KPNA2: variants seen among roughly 807,000 people sequenced by gnomAD.
KPNA2 encodes importin subunit alpha-1.
In KPNA2, 20 loss-of-function variants were observed where a neutral mutation model predicts 53.7. The observed-to-expected ratio is 0.37, with a 90% CI of 0.26 to 0.54. The LOEUF is 0.54. Ranked by LOEUF, KPNA2 falls within the 20% of genes least tolerant of loss-of-function variation. The probability of loss-of-function intolerance (pLI) is 0.83; values close to 1 mark genes in which losing one functional copy is unlikely to be tolerated. For missense variants in KPNA2, 515 were observed against 640.3 expected (o/e 0.80, Z 2.11); for synonymous variants, 238 against 227.5 (o/e 1.05, Z -0.42).
chr17:68,043,814 A>G, intron 7 of KPNA2, 24 bp from the exon 8 acceptor site: 1 of 1,421,570 alleles, frequency 7.0e-7, no homozygotes, highest in Non-Finnish European at 9.9e-7. Context: ...AATAACCAGC[A>G]TCAACATATT....
intron 3 of KPNA2, among the ~76,000 whole-genome samples, chr17:68,039,352 C>A (rs1555704206): frequency 6.6e-6 from 1 of 151,670 alleles, no homozygotes; most frequent in African/African-American, 2.4e-5. Context: ...AACTCCTGAC[C>A]TCAGGTGATC....
At position 68,042,247 on chromosome 17, in the gene KPNA2, C is replaced by A; in HGVS notation, c.465C>A (p.Thr155=). Residue 155 remains threonine (T), a synonymous_variant, in exon 5 of 11, where the codon ACC becomes ACA. Transcript: ENST00000330459. The part of the protein sequence containing the change: ...TNIASGTSEQ[T]KAVVDGGAIP... ...TTGCTTCTGGGACATCAGAACAAAC[C>A]AAGGCTGTGGTAGATGGAGGTGCCA... is the stretch of plus-strand genomic sequence containing the variant. The A allele has an allele frequency of 3.1e-6, 5 of 1,614,116 alleles. No individual in the cohort carries two copies. The highest frequency in any genetic ancestry group is 4.2e-6 in the Non-Finnish European group (5 of 1,179,992).
At chr17:68,046,467 A>G (rs781903075) in intron 10 of KPNA2, 37 bp from the exon 11 acceptor site, 11 of 1,324,946 alleles carry the variant, frequency 8.3e-6, no homozygotes, top group Non-Finnish European at 1.2e-5. Flanking sequence ...TGGAATACTT[A>G]TATCATTTTT....
Position 68,040,746 on chromosome 17 carries a change from C to G in KPNA2, c.282C>G (p.Leu94=), listed in dbSNP as rs979464416. The change falls in exon 4 of 11, where the codon CTC becomes CTG. Residue 94 remains leucine (L), a synonymous_variant. Coordinates refer to ENST00000330459, the MANE Select transcript of KPNA2 (RefSeq NM_002266.4). ...ATAGCAGCAATGTGGAAAATCAGCT[C>G]CAAGCTACTCAAGCTGCCAGGTAAG... The part of the protein sequence containing the change: ...GINSSNVENQ[L]QATQAARKLL... 6.2e-7 allele frequency: 1 copy of G among 1,613,082 alleles called. No individual in the cohort carries two copies. The highest frequency in any genetic ancestry group is 8.5e-7 in the Non-Finnish European group (1 of 1,179,320).
chr17:68,037,596 G>A, intron 3 of KPNA2, 101 bp downstream of exon 3: 1 of 1,132,212 alleles, frequency 8.8e-7, no homozygotes, highest in Non-Finnish European at 1.3e-6. Context: ...AGTCTTAACG[G>A]TTTTAACTAT....
chr17:68,036,872 A>G, intron 1 of KPNA2: 1 of 351,312 alleles, frequency 2.8e-6, no homozygotes. Context: ...TTCAATTTAT[A>G]TAGCTTGCAT....
At position 68,042,834 on chromosome 17, in the gene KPNA2, A is replaced by G. The variant is rs1055329246; in HGVS notation, c.572-71A>G. On this transcript the variant is annotated intron_variant, in intron 5 of 10. Coordinates refer to ENST00000330459, the MANE Select transcript of KPNA2 (RefSeq NM_002266.4). Reference sequence around the variant, plus strand: ...AGCCGAGATCGCGCCACTGCACTCCAGCCTGGGCGACAGAGAGAAACTCCG... The same window carrying G: ...AGCCGAGATCGCGCCACTGCACTCCGGCCTGGGCGACAGAGAGAAACTCCG... The G allele has an allele frequency of 2.9e-5, 36 of 1,224,280 alleles. No homozygotes were observed. The African/African-American group carries it at 3.9e-4, about 13-fold the overall frequency. 75.8% of individuals were successfully genotyped at this position (1,224,280 alleles called of 1,614,324 possible).
chr17:68,042,173 A>G lies in KPNA2; in HGVS notation c.391A>G (p.Thr131Ala), dbSNP rs781877236. The G allele has an allele frequency of 6.2e-7, 1 of 1,613,984 alleles. No individual in the cohort carries two copies. The highest frequency in any genetic ancestry group is 8.5e-7 in the Non-Finnish European group (1 of 1,179,882). ...IPKFVSFLGRTDCSPIQFESA... is the reference protein window; with the variant it reads ...IPKFVSFLGRADCSPIQFESA... Reference sequence around the variant, plus strand: ...GAAATTTGTGTCCTTCTTGGGCAGAACTGATTGTAGTCCCATTCAGTTTGA... The same window carrying G: ...GAAATTTGTGTCCTTCTTGGGCAGAGCTGATTGTAGTCCCATTCAGTTTGA... Residue 131 changes from threonine to alanine, a missense_variant, in exon 5 of 11, where the codon ACT (threonine) becomes GCT (alanine). By Grantham distance (58) the Thr-to-Ala change is moderately conservative (BLOSUM62 0). Transcript: ENST00000330459.
In KPNA2 at chr17:68,037,199, G is replaced by C. The variant is rs183061920; in HGVS notation, c.67G>C (p.Asp23His). 6.2e-7 allele frequency: 1 copy of C among 1,612,450 alleles called. No individual in the cohort carries two copies. Among genetic ancestry groups the C allele is most frequent in the Non-Finnish European group, 8.5e-7 (1 of 1,178,982 alleles). ...TCACAGATTCAAGAACAAGGGAAAA[G>C]ACAGTACAGTGAGTACCTTCTGTTG... ...RLHRFKNKGK[D>H]STEMRRRRIE... The change falls in exon 2 of 11, where the codon GAC becomes CAC. Residue 23 changes from aspartate (D) to histidine (H), a missense_variant. By Grantham distance (81) the Asp-to-His change is moderately conservative (BLOSUM62 -1). Coordinates refer to ENST00000330459, the MANE Select transcript of KPNA2 (RefSeq NM_002266.4).
At chr17:68,043,451 C>A in intron 7 of KPNA2, 88 bp downstream of exon 7, 1 of 1,342,398 alleles carries the variant, frequency 7.4e-7, no homozygotes, top group Non-Finnish European at 1.0e-6. Context: ...CCTGTGTAAT[C>A]CCAGCACTTT....
Position 68,044,266 on chromosome 17 carries a change from G to A in KPNA2, c.1165-55G>A, listed in dbSNP as rs2144220165. 2.0e-6 allele frequency: 3 copies of A among 1,512,118 alleles called. No homozygotes were observed. In the East Asian group the frequency reaches 6.8e-5, roughly 34 times the overall value. 93.7% of individuals were successfully genotyped at this position (1,512,118 alleles called of 1,614,324 possible). On this transcript the variant is annotated intron_variant, in intron 8 of 10. Coordinates refer to ENST00000330459, the MANE Select transcript of KPNA2 (RefSeq NM_002266.4). ...ATTGTTTTTGTGAAAAAGTACTCTT[G>A]GAATCTTATTTGTGCAACTGTTCTG... is the stretch of plus-strand genomic sequence containing the variant.
At chr17:68,045,686 G>C (rs1410131692) in intron 9 of KPNA2, 86 bp from the exon 10 acceptor site, 29 of 969,250 alleles carry the variant, frequency 3.0e-5, no homozygotes, top group Non-Finnish European at 4.3e-5. Flanking sequence ...TCTGCCTGAC[G>C]TATCAATATT....
rs782088901 is a variant in KPNA2 at position 68,037,463 on chromosome 17, A to T, written c.181A>T (p.Thr61Ser). 1.9e-6 allele frequency: 3 copies of T among 1,613,458 alleles called. No homozygotes were observed. In the East Asian group the frequency reaches 6.7e-5, roughly 36 times the overall value. Residue 61 changes from threonine to serine, a missense_variant, in exon 3 of 11, where the codon ACT (threonine) becomes TCT (serine). Physicochemically the swap from Thr to Ser is moderately conservative, Grantham distance 58. Transcript: ENST00000330459. Reference protein sequence around the residue: ...RNVSSFPDDATSPLQENRNNQ... With the variant: ...RNVSSFPDDASSPLQENRNNQ... Reference sequence around the variant, plus strand: ...TGTAAGCTCATTTCCTGATGATGCTACTTCTCCGCTGCAGGAAAACCGCAA... The same window carrying T: ...TGTAAGCTCATTTCCTGATGATGCTTCTTCTCCGCTGCAGGAAAACCGCAA...
At position 68,043,932 on chromosome 17, in the gene KPNA2, G is replaced by A. The variant is rs1555705030; in HGVS notation, c.1025G>A (p.Ser342Asn). Residue 342 changes from serine to asparagine, a missense_variant, in exon 8 of 11, where the codon AGC becomes AAC. Physicochemically the swap from Ser to Asn is conservative, Grantham distance 46 (BLOSUM62 1). Coordinates refer to ENST00000330459, the MANE Select transcript of KPNA2 (RefSeq NM_002266.4). ...IDAGALAVFP[S>N]LLTNPKTNIQ... ...GCAGGAGCACTCGCCGTCTTTCCCA[G>A]CCTGCTCACCAACCCCAAAACTAAC... 12 of 1,613,630 alleles carry A rather than the reference G, an allele frequency of 7.4e-6. No individual in the cohort carries two copies. Among genetic ancestry groups the A allele is most frequent in the Non-Finnish European group, 1.0e-5 (12 of 1,179,768 alleles).
chr17:68,039,125 T>C (rs1189570193), intron 3 of KPNA2, among the ~76,000 whole-genome samples: 7 of 150,582 alleles, frequency 4.6e-5, no homozygotes, highest in Non-Finnish European at 1.0e-4. Flanking sequence ...TATGCTTCCT[T>C]TTTTTTTTGT....
intron 4 of KPNA2, 116 bp downstream of exon 4, chr17:68,040,882 C>A (rs77736648): frequency 1.5e-6 from 1 of 653,662 alleles, no homozygotes; most frequent in Non-Finnish European, 2.7e-6. Context: ...TTAGGCCAGC[C>A]AGCCATAAGC....
At chr17:68,036,990 C>G in intron 1 of KPNA2, 120 bp from the exon 2 acceptor site, 1 of 714,086 alleles carries the variant, frequency 1.4e-6, no homozygotes, top group Non-Finnish European at 2.5e-6. Flanking sequence ...ACATGATGAT[C>G]CCCCCTCTAG....
intron 1 of KPNA2, chr17:68,036,884 C>G (rs868933033): frequency 1.3e-5 from 5 of 395,340 alleles, no homozygotes; most frequent in Non-Finnish European, 2.3e-5. Flanking sequence ...AGCTTGCATT[C>G]TATTTCTGAT....
intron 3 of KPNA2, among the ~76,000 whole-genome samples, chr17:68,037,856 A>G (rs2071208728): frequency 6.7e-6 from 1 of 149,168 alleles, no homozygotes; most frequent in Non-Finnish European, 1.5e-5. Context: ...GCTGGAGTGC[A>G]GCAGCACAAT....
Sources: gnomAD v4.1 joint callset for allele counts (sites outside exome capture counted in the v4.1 genomes callset) on GRCh38, gnomAD v4.1.1 for gene constraint, MANE v1.5 for transcripts, NCBI Gene and HGNC (gene_info 2026-07-23, HGNC 2026-07-21) for gene names.